Variants in C6orf132 observed in about 807,000 individuals in gnomAD.
The protein encoded by C6orf132 is uncharacterized protein C6orf132.
In C6orf132, 43 loss-of-function variants were observed where a neutral mutation model predicts 65.3. That is an observed-to-expected ratio of 0.66 (90% CI 0.52 to 0.85). The LOEUF is 0.85. C6orf132 is among the 40% of genes least tolerant of loss of function. C6orf132 has a pLI of 0.00. For synonymous variants in C6orf132, 631 were observed against 654.1 expected, an observed-to-expected ratio of 0.96 and a Z score of 0.54; for missense variants, 1,488 against 1,548.8, an observed-to-expected ratio of 0.96 and a Z score of 0.66.
At position 42,104,840 on chromosome 6, in the gene C6orf132, C is replaced by G; in HGVS notation, c.3072G>C (p.Pro1024=). ...CCGGGGGCGCCCCGGGGCCAGCGTT[C>G]GGGAGCTGCCTCAAGTCTGAGTAGT... ...RNNYSDLRQL[P]NAGPGAPPAL... The change falls in exon 4 of 5, where the codon CCG becomes CCC. Residue 1024 remains proline, a synonymous_variant. Transcript: ENST00000341865. The surrounding 1 kb of genome is among the most constrained non-coding windows in gnomAD (Gnocchi z 4.1). The G allele has an allele frequency of 6.9e-7, 1 of 1,457,230 alleles. No homozygotes were observed. Among genetic ancestry groups the G allele is most frequent in the Non-Finnish European group, 9.0e-7 (1 of 1,111,716 alleles). The allele number at this position is 1,457,230 out of a possible 1,614,324, so 90.3% of individuals were successfully genotyped here.
chr6:42,119,511 A>AT (rs977428649), intron 2 of C6orf132, among the ~76,000 whole-genome samples: 1 of 150,988 alleles, frequency 6.6e-6, no homozygotes, highest in East Asian at 2.0e-4. Context: ...CACCTGGCTC[A>AT]TTTTTTTGTA....
At position 42,101,264 on chromosome 6, in the gene C6orf132, C is replaced by T. The variant is rs562081939; in HGVS notation, c.*2497G>A. On this transcript the variant is annotated 3_prime_UTR_variant, in exon 5 of 5. Transcript: ENST00000341865. ...CTTTGCCTAAATCAGTATGTCACCACCACAAGAGGCCTTCCCTGACTACCC... is the reference window on the plus strand; with the variant it reads ...CTTTGCCTAAATCAGTATGTCACCATCACAAGAGGCCTTCCCTGACTACCC... The T allele has an allele frequency of 2.6e-5, 4 of 152,228 alleles. No homozygotes were observed. Among genetic ancestry groups the T allele is most frequent in the Non-Finnish European group, 5.9e-5 (4 of 68,046 alleles). The allele number at this position is 152,228 out of a possible 1,614,324, so 9.4% of individuals were successfully genotyped here.
chr6:42,128,071 CTTG>C (rs1350087498), intron 2 of C6orf132, among the ~76,000 whole-genome samples: 2 of 150,810 alleles, frequency 1.3e-5, no homozygotes, highest in African/African-American at 4.9e-5. Flanking sequence ...ACTACAGGTG[CTTG>C]CCACTACACC....
At chr6:42,119,248 C>CAAAAAAAAAAAAAA (rs1156356191) in intron 2 of C6orf132, among the ~76,000 whole-genome samples, 17 of 44,776 alleles carry the variant, frequency 3.8e-4, no homozygotes, top group African/African-American at 1.7e-3. Context: ...GACTCTGTCT[C>CAAAAAAAAAAAAAA]AAAAAAAAAA....
At chr6:42,112,646 C>A (rs977343895) in intron 2 of C6orf132, among the ~76,000 whole-genome samples, 5 of 152,186 alleles carry the variant, frequency 3.3e-5, no homozygotes, top group Non-Finnish European at 7.4e-5. Flanking sequence ...AGCCAAGCTC[C>A]CAAAAGAGGG....
At chr6:42,132,521 TAATAAG>T (rs1319200365) in intron 1 of C6orf132, among the ~76,000 whole-genome samples, 5 of 110,938 alleles carry the variant, frequency 4.5e-5, no homozygotes, top group African/African-American at 1.8e-4. Context: ...TCTCAAAAAA[TAATAAG>T]AAGAAGAAGA....
At chr6:42,129,323 G>T (rs1016529908) in intron 1 of C6orf132, among the ~76,000 whole-genome samples, 4 of 152,206 alleles carry the variant, frequency 2.6e-5, no homozygotes, top group African/African-American at 9.7e-5. Context: ...TTGCTTTAAT[G>T]CACCCTTGAG....
chr6:42,117,849 AG>A (rs1230172587), intron 2 of C6orf132, among the ~76,000 whole-genome samples: 1 of 31,620 alleles, frequency 3.2e-5, no homozygotes, highest in African/African-American at 1.4e-4. Context: ...ACTTGAACCC[AG>A]GAGGTGGAGA....
In C6orf132 at chr6:42,105,035, C is replaced by T. The variant is rs1410295413; in HGVS notation, c.2877G>A (p.Pro959=). 1 of 1,535,276 alleles carries T rather than the reference C, an allele frequency of 6.5e-7. No individual in the cohort carries two copies. The highest frequency in any genetic ancestry group is 2.0e-5 in the Admixed American group (1 of 50,536). Residue 959 remains proline, a synonymous_variant, in exon 4 of 5, where the codon CCG becomes CCA. Transcript: ENST00000341865. ...GTGGGGAGGAGAAGGACTTGGGCAG[C>T]GGGTGGCCCTGGGGGAGGTTGGAGG... ...VAPSNLPQGH[P]LPKSFSSPPS...
At chr6:42,119,061 C>A (rs1446843587) in intron 2 of C6orf132, among the ~76,000 whole-genome samples, 1 of 87,864 alleles carries the variant, frequency 1.1e-5, no homozygotes, top group Non-Finnish European at 2.1e-5. Flanking sequence ...GAAACCCTGT[C>A]TCTACAAAAA....
rs1208985022 is a variant in C6orf132, at chr6:42,123,521, AGGT to A, written c.252+5148_252+5150del. ...AGAAGAAAGAAGAAGGAGGAGAGGG[AGGT>A]GGAGGAGGAGGAGGAGAAGGAGAGG... On this transcript the variant is annotated intron_variant, in intron 2 of 4. Coordinates refer to ENST00000341865, the MANE Select transcript of C6orf132 (RefSeq NM_001164446.3). Among the ~76,000 whole-genome samples the A allele has an allele frequency of 3.2e-3, 475 of 147,958 alleles. 1 individual carries two copies. Among genetic ancestry groups the A allele is most frequent in the African/African-American group, 8.3e-3 (320 of 38,432 alleles).
chr6:42,106,630 C>G lies in C6orf132; in HGVS notation c.1282G>C (p.Ala428Pro), dbSNP rs1766412681. 2 of 1,530,992 alleles carry G rather than the reference C, an allele frequency of 1.3e-6. No individual in the cohort carries two copies. The highest frequency in any genetic ancestry group is 2.4e-5 in the South Asian group (2 of 83,880). 94.8% of individuals were successfully genotyped at this position (1,530,992 alleles called of 1,614,324 possible). Residue 428 changes from alanine to proline, a missense_variant, in exon 4 of 5, where the codon GCT becomes CCT. By Grantham distance (27) the Ala-to-Pro change is conservative. Coordinates refer to ENST00000341865, the MANE Select transcript of C6orf132 (RefSeq NM_001164446.3). Reference protein sequence around the residue: ...PCAQKAAHPPAGFTKTPKSSS... With the variant: ...PCAQKAAHPPPGFTKTPKSSS... ...GATTTAGGGGTTTTTGTAAACCCAG[C>G]AGGTGGATGGGCTGCCTTCTGAGCA...
intron 1 of C6orf132, among the ~76,000 whole-genome samples, chr6:42,129,801 G>T (rs945172278): frequency 6.6e-6 from 1 of 152,236 alleles, no homozygotes; most frequent in African/African-American, 2.4e-5. Context: ...GACTTTCCTC[G>T]ATAGCCAAAG....
At chr6:42,139,578 T>G (rs923413988) in intron 1 of C6orf132, among the ~76,000 whole-genome samples, 1 of 152,272 alleles carries the variant, frequency 6.6e-6, no homozygotes, top group Non-Finnish European at 1.5e-5. Flanking sequence ...TGGGCCAGAA[T>G]GGAGCCAGGA....
intron 3 of C6orf132, among the ~76,000 whole-genome samples, chr6:42,108,565 C>G (rs568812103): frequency 9.2e-5 from 14 of 152,266 alleles, no homozygotes; most frequent in African/African-American, 2.9e-4. Context: ...CTCCTGCTTT[C>G]TAAAGACCCT....
intron 3 of C6orf132, among the ~76,000 whole-genome samples, chr6:42,109,124 C>A (rs1039934998): frequency 6.6e-6 from 1 of 152,080 alleles, no homozygotes; most frequent in African/African-American, 2.4e-5. Context: ...GGGAGGGGTG[C>A]AGCAGGTGCA....
At position 42,107,329 on chromosome 6, in the gene C6orf132, C is replaced by T; in HGVS notation, c.583G>A (p.Glu195Lys). The change falls in exon 4 of 5, where the codon GAG becomes AAG. Residue 195 changes from glutamate to lysine, a missense_variant. Coordinates refer to ENST00000341865, the MANE Select transcript of C6orf132 (RefSeq NM_001164446.3). ...SMAPPPPPVL[E>K]ALSPPHTLSS... is the part of the protein sequence containing the mutation. ...AGAGTGTGTGGTGGGGATAGGGCCTCCAATACTGGGGGTGGAGGTGGGGCC... is the reference window on the plus strand; with the variant it reads ...AGAGTGTGTGGTGGGGATAGGGCCTTCAATACTGGGGGTGGAGGTGGGGCC... The T allele has an allele frequency of 8.0e-7, 1 of 1,249,092 alleles. No individual in the cohort carries two copies. The highest frequency in any genetic ancestry group is 1.1e-6 in the Non-Finnish European group (1 of 949,796). 77.4% of individuals were successfully genotyped at this position (1,249,092 alleles called of 1,614,324 possible).
rs191726746 is a variant in C6orf132 at position 42,119,492 on chromosome 6, G to A, written c.252+9180C>T. On this transcript the variant is annotated intron_variant, in intron 2 of 4. Coordinates refer to ENST00000341865, the MANE Select transcript of C6orf132 (RefSeq NM_001164446.3). ...CCCAAGTAGCTGGGACCACAGGCGCGTACCACCACACCTGGCTCATTTTTT... is the reference window on the plus strand; with the variant it reads ...CCCAAGTAGCTGGGACCACAGGCGCATACCACCACACCTGGCTCATTTTTT... 4.1e-4 allele frequency among the ~76,000 whole-genome samples: 62 copies of A among 151,218 alleles called. No homozygotes were observed. The East Asian group carries it at 0.011, about 26-fold the overall frequency.
chr6:42,142,216 C>G (rs1767046225), intron 1 of C6orf132, 84 bp downstream of exon 1: 1 of 1,437,950 alleles, frequency 7.0e-7, no homozygotes, highest in Non-Finnish European at 9.3e-7. Flanking sequence ...CCCTCCCCTC[C>G]GCGCCTCCAG....
Sources: allele counts gnomAD v4.1 joint callset (sites outside exome capture counted in the v4.1 genomes callset), GRCh38; gene constraint gnomAD v4.1.1; non-coding constraint Gnocchi (gnomAD v3.1); transcripts MANE v1.5; gene names NCBI Gene and HGNC (gene_info 2026-07-23, HGNC 2026-07-21).